Variants in NUF2 observed in about 807,000 individuals in gnomAD.
NUF2 encodes the protein NUF2 component of NDC80 kinetochore complex, also known as kinetochore protein Nuf2.
NUF2 carries 34 observed loss-of-function variants against 61.8 expected under a neutral mutation model. That is an observed-to-expected ratio of 0.55 (90% CI 0.42 to 0.73). The LOEUF is 0.73. Among genes scored for constraint, NUF2 ranks in the 30% least tolerant of loss-of-function variants. The pLI, the probability that NUF2 is intolerant of heterozygous loss-of-function variation, is 0.00. For missense variants in NUF2, 445 were observed against 539.1 expected (o/e 0.83, Z 1.73); for synonymous variants, 172 against 181.6 (o/e 0.95, Z 0.42).
chr1:163,326,100 C>A lies in NUF2; in HGVS notation c.49C>A (p.His17Asn), dbSNP rs1247064218. The change falls in exon 2 of 14, where the codon CAT becomes AAT. Residue 17 changes from histidine (H) to asparagine (N), a missense_variant. Transcript: ENST00000271452. ...ATATAATGTAGCTGAGATTGTGATTCATATTCGCAATAAGATCTTAACAGG... is the reference window on the plus strand; with the variant it reads ...ATATAATGTAGCTGAGATTGTGATTAATATTCGCAATAAGATCTTAACAGG... ...PRYNVAEIVI[H>N]IRNKILTGAD... 6.2e-7 allele frequency: 1 copy of A among 1,611,360 alleles called. No individual in the cohort carries two copies. The highest frequency in any genetic ancestry group is 8.5e-7 in the Non-Finnish European group (1 of 1,177,902).
chr1:163,338,390 A>C (rs1183548345), intron 7 of NUF2, among the ~76,000 whole-genome samples: 4 of 151,950 alleles, frequency 2.6e-5, no homozygotes, highest in Non-Finnish European at 5.9e-5. Flanking sequence ...ATATTGTCTT[A>C]TGTAGGTGAG....
At chr1:163,340,655 TTATATCAAAGATTG>T (rs1421579877) in intron 9 of NUF2, among the ~76,000 whole-genome samples, 1 of 152,202 alleles carries the variant, frequency 6.6e-6, no homozygotes, top group African/African-American at 2.4e-5. Flanking sequence ...ACAATCTGAT[TTATATCAAAGATTG>T]TATTTGCTAT....
chr1:163,340,369 G>T lies in NUF2; in HGVS notation c.612G>T (p.Val204=), dbSNP rs781132679. The part of the protein sequence containing the change: ...LNQDFHQKTI[V]LQEGNSQKKS... ...GTGTTTGCTTTTTCCCTTAGATAGTGCTGCAAGAGGGAAATTCCCAAAAGA... is the reference window on the plus strand; with the variant it reads ...GTGTTTGCTTTTTCCCTTAGATAGTTCTGCAAGAGGGAAATTCCCAAAAGA... Residue 204 remains valine (V), a synonymous_variant, in exon 9 of 14, where the codon GTG becomes GTT. Transcript: ENST00000271452. The T allele has an allele frequency of 4.2e-5, 67 of 1,609,784 alleles. No homozygotes were observed. The Middle Eastern group carries it at 4.9e-4, about 12-fold the overall frequency.
intron 7 of NUF2, among the ~76,000 whole-genome samples, chr1:163,338,933 CAGAT>C (rs138999860): frequency 0.04 from 6,069 of 152,018 alleles, 149 homozygotes; most frequent in South Asian, 0.086. Flanking sequence ...GCTAATATAT[CAGAT>C]AGGCAAAAAC....
At position 163,346,014 on chromosome 1, in the gene NUF2, C is replaced by T. The variant is rs541231474; in HGVS notation, c.948+196C>T. On this transcript the variant is annotated intron_variant, in intron 11 of 13. Transcript: ENST00000271452. ...AGCAGTAGCAAGACCCAATTTTTAA[C>T]CTTCTGATGAAATTAATAATAACTA... The T allele has an allele frequency of 6.8e-5, 28 of 412,646 alleles. No individual in the cohort carries two copies. In the East Asian group the frequency reaches 1.1e-3, roughly 16 times the overall value. The allele number at this position is 412,646 out of a possible 1,614,324, so 25.6% of individuals were successfully genotyped here.
At chr1:163,333,436 C>T (rs1650662444) in intron 5 of NUF2, among the ~76,000 whole-genome samples, 1 of 151,920 alleles carries the variant, frequency 6.6e-6, no homozygotes, top group South Asian at 2.1e-4. Flanking sequence ...GGCTTAAATC[C>T]ACCTTTATAC....
chr1:163,348,807 T>G, intron 12 of NUF2, 138 bp from the exon 13 acceptor site: 1 of 858,938 alleles, frequency 1.2e-6, no homozygotes, highest in Non-Finnish European at 1.8e-6. Flanking sequence ...TTTTCATTCC[T>G]TTGCTTTTAT....
At chr1:163,351,793 A>G (rs1459775443) in intron 13 of NUF2, among the ~76,000 whole-genome samples, 1 of 152,206 alleles carries the variant, frequency 6.6e-6, no homozygotes, top group Non-Finnish European at 1.5e-5. Flanking sequence ...ATCATCCTTC[A>G]TGAAAAGAAA....
intron 5 of NUF2, among the ~76,000 whole-genome samples, chr1:163,334,682 G>A (rs1269021249): frequency 6.6e-6 from 1 of 152,170 alleles, no homozygotes; most frequent in Non-Finnish European, 1.5e-5. Context: ...CAGCAGCTTA[G>A]AGGGGAGAAT....
chr1:163,347,768 G>A lies in NUF2; in HGVS notation c.954G>A (p.Leu318=). The A allele has an allele frequency of 1.3e-6, 2 of 1,561,184 alleles. No individual in the cohort carries two copies. Among genetic ancestry groups the A allele is most frequent in the Non-Finnish European group, 1.7e-6 (2 of 1,157,052 alleles). Residue 318 remains leucine (L), a synonymous_variant, in exon 12 of 14, where the codon CTG becomes CTA. Coordinates refer to ENST00000271452, the MANE Select transcript of NUF2 (RefSeq NM_145697.3). Reference sequence around the variant, plus strand: ...ATACTTCTTATAAAATACAGAGCCTGAACTTGGAGGACCAAATTGAGAGTG... The same window carrying A: ...ATACTTCTTATAAAATACAGAGCCTAAACTTGGAGGACCAAATTGAGAGTG... ...EKLASILKES[L]NLEDQIESDE...
chr1:163,350,983 G>A (rs576258033), intron 13 of NUF2, among the ~76,000 whole-genome samples: 1 of 152,090 alleles, frequency 6.6e-6, no homozygotes, highest in African/African-American at 2.4e-5. Context: ...GAGCAAATGT[G>A]TACCCTTTTC....
chr1:163,336,544 A>G (rs1553231392), intron 5 of NUF2, among the ~76,000 whole-genome samples: 1 of 152,120 alleles, frequency 6.6e-6, no homozygotes, highest in Non-Finnish European at 1.5e-5. Flanking sequence ...CTTCATGACC[A>G]AAAGTGGTTT....
At chr1:163,328,975 A>G in intron 5 of NUF2, 68 bp downstream of exon 5, 4 of 701,358 alleles carry the variant, frequency 5.7e-6, no homozygotes, top group Non-Finnish European at 8.9e-6. Flanking sequence ...CCATCAGTAA[A>G]TGTAAAAAAA....
At chr1:163,323,117 A>C (rs957032468) in intron 1 of NUF2, 1 of 152,254 alleles carries the variant, frequency 6.6e-6, no homozygotes, top group Non-Finnish European at 1.5e-5. Context: ...AAGTATTTTC[A>C]TACAAATATT....
chr1:163,345,860 G>A (rs888852899), intron 11 of NUF2, 42 bp downstream of exon 11: 3 of 1,366,886 alleles, frequency 2.2e-6, no homozygotes, highest in Non-Finnish European at 3.0e-6. Context: ...TTATATAACA[G>A]CTTACTATAG....
At chr1:163,353,288 A>G (rs1179752385) in intron 13 of NUF2, among the ~76,000 whole-genome samples, 1 of 152,194 alleles carries the variant, frequency 6.6e-6, no homozygotes, top group African/African-American at 2.4e-5. Flanking sequence ...TATGTGATAA[A>G]TGGCTACACT....
chr1:163,340,015 A>G (rs563512206), intron 8 of NUF2, among the ~76,000 whole-genome samples: 3 of 152,306 alleles, frequency 2.0e-5, no homozygotes, highest in Non-Finnish European at 4.4e-5. Context: ...ATACGCTCCA[A>G]CGTACGTGAA....
intron 7 of NUF2, 38 bp downstream of exon 7, chr1:163,338,131 C>A: frequency 6.8e-7 from 1 of 1,464,700 alleles, no homozygotes; most frequent in Non-Finnish European, 9.6e-7. Context: ...AATGCAATTT[C>A]AAAATGCAAA....
At chr1:163,323,629 G>A (rs1650313047) in intron 1 of NUF2, among the ~76,000 whole-genome samples, 1 of 152,232 alleles carries the variant, frequency 6.6e-6, no homozygotes, top group African/African-American at 2.4e-5. Flanking sequence ...TGAGGCAGGA[G>A]GATAGCTTGA....
Sources: gnomAD v4.1 joint callset for allele counts (sites outside exome capture counted in the v4.1 genomes callset) on GRCh38, gnomAD v4.1.1 for gene constraint, MANE v1.5 for transcripts, NCBI Gene and HGNC (gene_info 2026-07-23, HGNC 2026-07-21) for gene names.